BID: variants seen among roughly 807,000 people sequenced by gnomAD.
The protein encoded by BID is BH3-interacting domain death agonist.
BID carries 19 observed loss-of-function variants against 17.4 expected under a neutral mutation model. The ratio of observed to expected loss-of-function variants is 1.09; its 90% CI spans 0.76 to 1.60. The LOEUF is 1.60. Ranked by LOEUF, BID falls within the 40% of genes most tolerant of loss-of-function variation. The pLI is 0.00. For missense variants in BID, 226 were observed against 256.0 expected (o/e 0.88, Z 0.80); for synonymous variants, 108 against 102.8 (o/e 1.05, Z -0.31).
At chr22:17,745,205 C>A (rs1486101059) in intron 2 of BID, among the ~76,000 whole-genome samples, 1 of 152,034 alleles carries the variant, frequency 6.6e-6, no homozygotes, top group East Asian at 1.9e-4. Flanking sequence ...TGTGCATCAC[C>A]ACGCCCGGCT....
chr22:17,764,898 C>T (rs2061667466), intron 1 of BID, among the ~76,000 whole-genome samples: 1 of 152,170 alleles, frequency 6.6e-6, no homozygotes, highest in Non-Finnish European at 1.5e-5. Flanking sequence ...TTCCCTAATC[C>T]AATGCTCCTG....
intron 1 of BID, among the ~76,000 whole-genome samples, chr22:17,756,494 T>TTCTTTCTTTCTC (rs1454070298): frequency 9.5e-5 from 13 of 136,992 alleles, no homozygotes; most frequent in African/African-American, 3.1e-4. Context: ...CTTTCTTTCT[T>TTCTTTCTTTCTC]TCTCTCTCTC....
intron 5 of BID, 88 bp downstream of exon 5, chr22:17,737,929 A>G (rs1601833308): frequency 7.2e-7 from 1 of 1,395,262 alleles, no homozygotes; most frequent in East Asian, 2.3e-5. Flanking sequence ...CTGGCATCAG[A>G]GGCAGGGGCC....
chr22:17,766,720 G>A (rs1470736346), intron 1 of BID, among the ~76,000 whole-genome samples: 1 of 151,944 alleles, frequency 6.6e-6, no homozygotes, highest in Non-Finnish European at 1.5e-5. Flanking sequence ...CTCCCAAGTA[G>A]TTGGGAGTAT....
chr22:17,747,617 AGC>A (rs1319682174), intron 2 of BID, among the ~76,000 whole-genome samples: 7 of 151,926 alleles, frequency 4.6e-5, no homozygotes, highest in African/African-American at 9.7e-5. Context: ...CACCATGCCC[AGC>A]CTCTAGATCC....
At chr22:17,762,746 A>G (rs2061649322) in intron 1 of BID, among the ~76,000 whole-genome samples, 2 of 149,984 alleles carry the variant, frequency 1.3e-5, no homozygotes, top group African/African-American at 5.1e-5. Flanking sequence ...TTTAATTCTA[A>G]CACAGAATAT....
chr22:17,743,751 C>T (rs2061476474), intron 3 of BID, 52 bp downstream of exon 3: 3 of 1,543,672 alleles, frequency 1.9e-6, no homozygotes, highest in Non-Finnish European at 2.6e-6. Flanking sequence ...CTGAATGTTA[C>T]TGGCGACAGA....
chr22:17,737,977 G>T, intron 5 of BID, 40 bp downstream of exon 5: 1 of 1,604,422 alleles, frequency 6.2e-7, no homozygotes, highest in Non-Finnish European at 8.5e-7. Flanking sequence ...AAAGGGCATG[G>T]GCGGCAGGCA....
chr22:17,751,358 G>A (rs1335048773), intron 1 of BID, among the ~76,000 whole-genome samples: 2 of 149,248 alleles, frequency 1.3e-5, no homozygotes, highest in Non-Finnish European at 3.0e-5. Context: ...CGACCTGGGC[G>A]ACAGAGCGAG....
At chr22:17,748,805 C>A (rs569803281) in intron 2 of BID, among the ~76,000 whole-genome samples, 125 of 152,330 alleles carry the variant, frequency 8.2e-4, no homozygotes, top group South Asian at 1.5e-3. Context: ...GTTCTACCTG[C>A]GGAGGCCGCC....
chr22:17,747,478 G>A (rs879561566), intron 2 of BID, among the ~76,000 whole-genome samples: 6 of 151,882 alleles, frequency 4.0e-5, no homozygotes, highest in African/African-American at 9.7e-5. Flanking sequence ...GTGCCACCAC[G>A]CCTGGCTAAT....
intron 1 of BID, among the ~76,000 whole-genome samples, chr22:17,751,318 G>A (rs1410070187): frequency 6.6e-6 from 1 of 151,646 alleles, no homozygotes; most frequent in African/African-American, 2.4e-5. Flanking sequence ...CTTGCAGTGA[G>A]CCGAGATTGC....
At chr22:17,772,958 A>G (rs2061731806) in intron 1 of BID, among the ~76,000 whole-genome samples, 1 of 152,034 alleles carries the variant, frequency 6.6e-6, no homozygotes, top group Non-Finnish European at 1.5e-5. Flanking sequence ...CAGAAGCACT[A>G]ACAGCACCTC....
chr22:17,739,944 C>G, intron 3 of BID: 1 of 904,816 alleles, frequency 1.1e-6, no homozygotes. Context: ...GCAGTCCCGT[C>G]TCAGGAAAAC....
chr22:17,735,706 A>AG (rs765824893), intron 5 of BID, 115 bp from the exon 6 acceptor site: 16 of 1,272,302 alleles, frequency 1.3e-5, no homozygotes, highest in Non-Finnish European at 1.6e-5. Context: ...CATGTTCTCC[A>AG]GACCCCTGAA....
At chr22:17,759,009 G>A (rs2061614387) in intron 1 of BID, among the ~76,000 whole-genome samples, 1 of 152,082 alleles carries the variant, frequency 6.6e-6, no homozygotes, top group East Asian at 1.9e-4. Flanking sequence ...GAGGTGGGCG[G>A]ATCACAAGGT....
chr22:17,757,680 G>A (rs2061603530), intron 1 of BID, among the ~76,000 whole-genome samples: 1 of 147,776 alleles, frequency 6.8e-6, no homozygotes, highest in African/African-American at 2.6e-5. Context: ...CTGTACTCCA[G>A]CCTGCGCGAC....
chr22:17,743,554 G>A (rs1175496003), intron 3 of BID, among the ~76,000 whole-genome samples: 1 of 152,238 alleles, frequency 6.6e-6, no homozygotes, highest in African/African-American at 2.4e-5. Context: ...CAGTACATGA[G>A]ATTCTGTCTC....
At chr22:17,743,713 C>CG in intron 3 of BID, 90 bp downstream of exon 3, 5 of 1,361,984 alleles carry the variant, frequency 3.7e-6, no homozygotes, top group Non-Finnish European at 3.0e-6. Context: ...AGAGTGATCC[C>CG]GGGGGTCCCT....
Sources: allele counts gnomAD v4.1 joint callset (sites outside exome capture counted in the v4.1 genomes callset), GRCh38; gene constraint gnomAD v4.1.1; transcripts MANE v1.5; gene names NCBI Gene and HGNC (gene_info 2026-07-23, HGNC 2026-07-21).